SERPINF2: variants seen among roughly 807,000 people sequenced by gnomAD.
SERPINF2 encodes alpha-2-antiplasmin.
In SERPINF2, 15 loss-of-function variants were observed where a neutral mutation model predicts 45.0. The ratio of observed to expected loss-of-function variants is 0.33; its 90% confidence interval spans 0.22 to 0.51. SERPINF2 has a LOEUF of 0.51. SERPINF2 is among the 20% of genes least tolerant of loss of function. SERPINF2 has a pLI of 0.97. For missense variants in SERPINF2, 518 were observed against 637.4 expected, an observed-to-expected ratio of 0.81 and a Z score of 2.02; for synonymous variants, 283 against 277.9, an observed-to-expected ratio of 1.02 and a Z score of -0.18.
intron 7 of SERPINF2, among the ~76,000 whole-genome samples, chr17:1,747,973 A>G (rs575853886): frequency 6.6e-6 from 1 of 151,162 alleles, no homozygotes; most frequent in South Asian, 2.1e-4. Context: ...GAGTTGTTCT[A>G]GAGTGAATAC....
intron 8 of SERPINF2, among the ~76,000 whole-genome samples, chr17:1,751,948 G>A (rs545710955): frequency 2.9e-5 from 4 of 138,982 alleles, no homozygotes; most frequent in South Asian, 2.4e-4. Flanking sequence ...AAAGACAGGC[G>A]ATTCCTTACG....
In SERPINF2 at chr17:1,745,611, C is replaced by T; in HGVS notation, c.166-97C>T. ...CCTCTTCCCTGGGGCTGGGACAAGG[C>T]CCTGCTGTCCTCAGGCACAGGGGCT... On this transcript the variant is annotated intron_variant, in intron 4 of 9. Coordinates refer to ENST00000453066, the MANE Select transcript of SERPINF2 (RefSeq NM_000934.4). The surrounding 1 kb of genome is among the most constrained non-coding windows in gnomAD (Gnocchi z 6.2). 1 of 1,335,164 alleles carries T rather than the reference C, an allele frequency of 7.5e-7. No individual in the cohort carries two copies. The highest frequency in any genetic ancestry group is 1.1e-6 in the Non-Finnish European group (1 of 947,090). The allele number at this position is 1,335,164 out of a possible 1,614,324, so 82.7% of individuals were successfully genotyped here.
intron 8 of SERPINF2, among the ~76,000 whole-genome samples, chr17:1,750,478 A>G (rs1326961997): frequency 6.6e-6 from 1 of 151,008 alleles, no homozygotes; most frequent in African/African-American, 2.4e-5. Context: ...TAGTAGAGAC[A>G]GGTTTCACCA....
intron 9 of SERPINF2, among the ~76,000 whole-genome samples, chr17:1,753,713 A>G (rs1906586622): frequency 1.3e-5 from 2 of 152,196 alleles, no homozygotes; most frequent in African/African-American, 4.8e-5. Flanking sequence ...ACTAAAATAA[A>G]TAAATAAAGC....
Position 1,751,979 on chromosome 17 carries a change from G to A in SERPINF2, c.859-607G>A, listed in dbSNP as rs185891089. ...TTACGCCGGGTCACACGGCCAGCTG[G>A]TAGCCGGTGAAGAGAGAAAACCACC... On this transcript the variant is annotated intron_variant, in intron 8 of 9. Coordinates refer to ENST00000453066, the MANE Select transcript of SERPINF2 (RefSeq NM_000934.4). Among the ~76,000 whole-genome samples, 313 of 138,620 alleles carry A rather than the reference G, an allele frequency of 2.3e-3. 65 individuals are homozygous for A. Among genetic ancestry groups the A allele is most frequent in the Non-Finnish European group, 3.8e-3 (233 of 61,256 alleles). The allele number at this position is 138,620 out of a possible 152,430, so 90.9% of individuals were successfully genotyped here. A position where few individuals can be genotyped will look rare whatever the true frequency, so the allele number is the denominator to read the frequency against.
chr17:1,745,160 T>A lies in SERPINF2; in HGVS notation c.64-15T>A, dbSNP rs1905679935. ...GCTCCGAGGGGACCTCCTATCCTCA[T>A]CCCTTTCTCCACAGTTCTCCCCTGT... is the stretch of plus-strand genomic sequence containing the variant. On this transcript the variant is annotated splice_polypyrimidine_tract_variant and intron_variant, in intron 2 of 9. Transcript: ENST00000453066. The surrounding 1 kb of genome is among the most constrained non-coding windows in gnomAD (Gnocchi z 6.2). 5.7e-6 allele frequency: 9 copies of A among 1,576,216 alleles called. No individual in the cohort carries two copies. The highest frequency in any genetic ancestry group is 3.7e-5 in the Admixed American group (2 of 53,372).
At chr17:1,747,649 C>T in intron 7 of SERPINF2, 137 bp downstream of exon 7, 2 of 935,328 alleles carry the variant, frequency 2.1e-6, no homozygotes, top group African/African-American at 1.6e-5. Context: ...CCTGCAACCT[C>T]CGCCTCCCGG....
chr17:1,752,352 G>A (rs533597951), intron 8 of SERPINF2, among the ~76,000 whole-genome samples: 35 of 152,140 alleles, frequency 2.3e-4, no homozygotes, highest in African/African-American at 5.1e-4. Context: ...CCCCATGCCC[G>A]GCCACACTGC....
At position 1,745,051 on chromosome 17, in the gene SERPINF2, G is replaced by C; in HGVS notation, c.56G>C (p.Cys19Ser). The change falls in exon 2 of 10, where the codon TGC (cysteine) becomes TCC (serine). Residue 19 changes from cysteine (C) to serine (S), a missense_variant. By Grantham distance (112) the Cys-to-Ser change is moderately radical. Transcript: ENST00000453066. The surrounding 1 kb of genome is among the most constrained non-coding windows in gnomAD (Gnocchi z 6.2). ...VLSWSCLQGP[C>S]SVFSPVSAME... The stretch of plus-strand genomic sequence containing the variant: ...AGCTGGTCCTGCCTGCAAGGCCCCT[G>C]CTCCGTGGTGAGGCTGGGCTGAAGT... 6.2e-7 allele frequency: 1 copy of C among 1,613,340 alleles called. No homozygotes were observed.
At chr17:1,746,013 C>A in intron 5 of SERPINF2, 104 bp downstream of exon 5, 2 of 1,275,432 alleles carry the variant, frequency 1.6e-6, no homozygotes, top group South Asian at 2.4e-5. Context: ...GGTCACGTGG[C>A]TGTTTGGTAA....
Position 1,745,752 on chromosome 17 carries a change from C to T in SERPINF2, c.210C>T (p.Cys70=), listed in dbSNP as rs1368474132. Reference sequence around the variant, plus strand: ...CCCTGAAGAGTCCCCCAGGAGTCTGCAGCAGAGACCCCACCCCAGAGCAGA... The same window carrying T: ...CCCTGAAGAGTCCCCCAGGAGTCTGTAGCAGAGACCCCACCCCAGAGCAGA... ...QTALKSPPGV[C]SRDPTPEQTH... Residue 70 remains cysteine (C), a synonymous_variant, in exon 5 of 10, where the codon TGC becomes TGT. Coordinates refer to ENST00000453066, the MANE Select transcript of SERPINF2 (RefSeq NM_000934.4). This position sits in a 1 kb window ranked among gnomAD's most constrained non-coding sequence, Gnocchi z 6.2. 1 of 1,613,952 alleles carries T rather than the reference C, an allele frequency of 6.2e-7. No homozygotes were observed. The highest frequency in any genetic ancestry group is 1.1e-5 in the South Asian group (1 of 91,084).
rs909300648 is a variant in SERPINF2 at position 1,754,971 on chromosome 17, C to T, written c.*437C>T. 13 of 216,174 alleles carry T rather than the reference C, an allele frequency of 6.0e-5. No individual in the cohort carries two copies. Among genetic ancestry groups the T allele is most frequent in the Non-Finnish European group, 8.2e-5 (9 of 109,110 alleles). The allele number at this position is 216,174 out of a possible 1,614,324, so 13.4% of individuals were successfully genotyped here. The stretch of plus-strand genomic sequence containing the variant: ...CGGGCCCTGGTGGTGGCTCGGGAGG[C>T]GAAGCGTTGTCCTCAGCCCCGCGTG... On this transcript the variant is annotated 3_prime_UTR_variant, in exon 10 of 10. Coordinates refer to ENST00000453066, the MANE Select transcript of SERPINF2 (RefSeq NM_000934.4).
At chr17:1,744,215 G>A (rs981049082) in intron 1 of SERPINF2, among the ~76,000 whole-genome samples, 4 of 151,446 alleles carry the variant, frequency 2.6e-5, no homozygotes, top group African/African-American at 7.2e-5. Context: ...GTCTTTTGCC[G>A]GGTGCAGTGG....
At chr17:1,743,669 C>T (rs1359454831) in intron 1 of SERPINF2, among the ~76,000 whole-genome samples, 5 of 136,924 alleles carry the variant, frequency 3.7e-5, no homozygotes, top group African/African-American at 1.1e-4. Context: ...GAGCCGAGAT[C>T]GTGCCATTGC....
chr17:1,754,556 A>T lies in SERPINF2; in HGVS notation c.*22A>T. 1 of 1,601,666 alleles carries T rather than the reference A, an allele frequency of 6.2e-7. No homozygotes were observed. Among genetic ancestry groups the T allele is most frequent in the East Asian group, 2.2e-5 (1 of 44,884 alleles). On this transcript the variant is annotated 3_prime_UTR_variant, in exon 10 of 10. Transcript: ENST00000453066. ...GTGAGGGGCCGTGGCTGTGGCATCCAGAGTCCCTGCCTGGACCAGCCTCTC... is the reference window on the plus strand; with the variant it reads ...GTGAGGGGCCGTGGCTGTGGCATCCTGAGTCCCTGCCTGGACCAGCCTCTC...
chr17:1,744,691 A>C (rs1905629241), intron 1 of SERPINF2: 14 of 985,324 alleles, frequency 1.4e-5, no homozygotes, highest in Non-Finnish European at 1.7e-5. Flanking sequence ...AGGGCCTTGT[A>C]GAATGAGAAC....
Position 1,745,816 on chromosome 17 carries a change from G to C in SERPINF2, c.274G>C (p.Asp92His). 2 of 1,613,996 alleles carry C rather than the reference G, an allele frequency of 1.2e-6. No homozygotes were observed. Among genetic ancestry groups the C allele is most frequent in the African/African-American group, 1.3e-5 (1 of 75,022 alleles). Reference protein sequence around the residue: ...LARAMMAFTADLFSLVAQTST... With the variant: ...LARAMMAFTAHLFSLVAQTST... ...CCGGGCCATGATGGCCTTCACTGCC[G>C]ACCTGTTCTCCCTGGTGGCTCAAAC... Residue 92 changes from aspartate (D) to histidine (H), a missense_variant, in exon 5 of 10, where the codon GAC becomes CAC. Asp to His is a moderately conservative substitution (Grantham distance 81). Around this residue, in one of 2 missense-constraint regions of SERPINF2, gnomAD observed 435 missense variants for 577.3 expected, o/e 0.75. Coordinates refer to ENST00000453066, the MANE Select transcript of SERPINF2 (RefSeq NM_000934.4). This position sits in a 1 kb window ranked among gnomAD's most constrained non-coding sequence, Gnocchi z 6.2.
rs754294101 is a variant in SERPINF2, at chr17:1,754,264, C to T, written c.1206C>T (p.Ser402=). Residue 402 remains serine (S), a synonymous_variant, in exon 10 of 10, where the codon TCC becomes TCT. Coordinates refer to ENST00000453066, the MANE Select transcript of SERPINF2 (RefSeq NM_000934.4). ...EAAAATSIAM[S]RMSLSSFSVN... ...CGGCGGCCACCAGCATTGCCATGTCCCGCATGTCCCTGTCCTCCTTCAGCG... is the reference window on the plus strand; with the variant it reads ...CGGCGGCCACCAGCATTGCCATGTCTCGCATGTCCCTGTCCTCCTTCAGCG... 13 of 1,614,146 alleles carry T rather than the reference C, an allele frequency of 8.1e-6. No homozygotes were observed. The South Asian group carries it at 1.3e-4, about 16-fold the overall frequency.
At chr17:1,751,177 G>A (rs1445512365) in intron 8 of SERPINF2, among the ~76,000 whole-genome samples, 4 of 152,170 alleles carry the variant, frequency 2.6e-5, no homozygotes, top group Non-Finnish European at 4.4e-5. Flanking sequence ...GGCTGGGCAC[G>A]GTGGCTCACG....
Sources: gnomAD v4.1 joint callset for allele counts (sites outside exome capture counted in the v4.1 genomes callset) on GRCh38, gnomAD v4.1.1 for gene constraint, gnomAD v4.1.1 regional missense constraint, Gnocchi (gnomAD v3.1) non-coding constraint, MANE v1.5 for transcripts, NCBI Gene and HGNC (gene_info 2026-07-23, HGNC 2026-07-21) for gene names.